Variants in USP38 observed in about 807,000 individuals in gnomAD.
USP38 encodes the protein ubiquitin carboxyl-terminal hydrolase 38.
Under a neutral mutation model 94.3 loss-of-function variants are expected in USP38, and 49 were observed. The observed-to-expected ratio is 0.52, with a 90% CI of 0.41 to 0.66. USP38 has a LOEUF of 0.66. Among genes scored for constraint, USP38 ranks in the 30% least tolerant of loss-of-function variants. The pLI is 0.00. For missense variants in USP38, 1,128 were observed against 1,229.4 expected (o/e 0.92, Z 1.23); for synonymous variants, 468 against 463.6 (o/e 1.01, Z -0.12).
rs373089408 is a variant in USP38, at chr4:143,214,240, C to T, written c.2264C>T (p.Thr755Met). 5.1e-5 allele frequency: 82 copies of T among 1,613,440 alleles called. No homozygotes were observed. The highest frequency in any genetic ancestry group is 5.8e-5 in the Non-Finnish European group (69 of 1,179,794). ...AATGCTGAGAAAACTATGCAAATCA[C>T]GGAGGAACCTGAATACCTTATTCTT... is the stretch of plus-strand genomic sequence containing the variant. ...LQNAEKTMQI[T>M]EEPEYLILTL... Residue 755 changes from threonine to methionine, a missense_variant, in exon 9 of 10, where the codon ACG becomes ATG. Coordinates refer to ENST00000307017, the MANE Select transcript of USP38 (RefSeq NM_032557.6).
At chr4:143,219,007 A>AAT (rs955257693) in intron 9 of USP38, among the ~76,000 whole-genome samples, 10 of 152,232 alleles carry the variant, frequency 6.6e-5, no homozygotes, top group East Asian at 1.9e-4. Context: ...AGGATAAATT[A>AAT]ATATATATAT....
chr4:143,214,764 C>G lies in USP38; in HGVS notation c.2788C>G (p.Gln930Glu). Residue 930 changes from glutamine to glutamate, a missense_variant, in exon 9 of 10, where the codon CAG becomes GAG. Gln to Glu is a conservative substitution (Grantham distance 29). Coordinates refer to ENST00000307017, the MANE Select transcript of USP38 (RefSeq NM_032557.6). ...GACATTTACTTCATTTCAGTCAGTCCAGAAAATTACGAGCAGGTTTCCAAA... is the reference window on the plus strand; with the variant it reads ...GACATTTACTTCATTTCAGTCAGTCGAGAAAATTACGAGCAGGTTTCCAAA... ...RVTFTSFQSV[Q>E]KITSRFPKDT... 1 of 1,613,660 alleles carries G rather than the reference C, an allele frequency of 6.2e-7. No homozygotes were observed. Among genetic ancestry groups the G allele is most frequent in the Non-Finnish European group, 8.5e-7 (1 of 1,179,786 alleles).
chr4:143,222,037 T>A lies in USP38; in HGVS notation c.*1581T>A, dbSNP rs555680953. On this transcript the variant is annotated 3_prime_UTR_variant, in exon 10 of 10. Coordinates refer to ENST00000307017, the MANE Select transcript of USP38 (RefSeq NM_032557.6). ...ATCCCAATAGTGAATTTCTGAGCTA[T>A]CCTGTGTGTTCAGTTATCCACTTAC... 6.6e-6 allele frequency: 1 copy of A among 152,194 alleles called. No individual in the cohort carries two copies. The highest frequency in any genetic ancestry group is 1.9e-4 in the East Asian group (1 of 5,188). The allele number at this position is 152,194 out of a possible 1,614,324, so 9.4% of individuals were successfully genotyped here.
chr4:143,212,929 G>A (rs893418023), intron 8 of USP38, among the ~76,000 whole-genome samples: 1 of 151,882 alleles, frequency 6.6e-6, no homozygotes. Context: ...ATTATTGTTT[G>A]CTAAATGTTA....
In USP38 at chr4:143,197,823, G is replaced by GT. The variant is rs768670603; in HGVS notation, c.954dup (p.Asn319Ter). 1.9e-6 allele frequency: 3 copies of GT among 1,609,666 alleles called. No homozygotes were observed. The South Asian group carries it at 3.3e-5, about 18-fold the overall frequency. ...GAAGGTGTCTTGTCTTATTTTGAAG[G>GT]TTTTTAATCGACTTTGGTTTCCTCT... is the stretch of plus-strand genomic sequence containing the variant. On this transcript the variant is annotated frameshift_variant and splice_region_variant, in exon 4 of 10. Transcript: ENST00000307017. LOFTEE classifies it high-confidence loss of function.
At chr4:143,218,023 G>C (rs796460417) in intron 9 of USP38, among the ~76,000 whole-genome samples, 3 of 152,080 alleles carry the variant, frequency 2.0e-5, no homozygotes, top group African/African-American at 7.2e-5. Flanking sequence ...GAGAGATTGT[G>C]TAATGCATCA....
chr4:143,213,760 G>T lies in USP38; in HGVS notation c.1784G>T (p.Arg595Leu). 1 of 1,613,692 alleles carries T rather than the reference G, an allele frequency of 6.2e-7. No individual in the cohort carries two copies. Among genetic ancestry groups the T allele is most frequent in the African/African-American group, 1.3e-5 (1 of 74,990 alleles). ...LIEKMFGGKL[R>L]THIRCLNCRS... ...GAAAAAATGTTTGGAGGAAAACTAC[G>T]AACTCACATACGTTGTTTGAACTGC... Residue 595 changes from arginine to leucine, a missense_variant, in exon 9 of 10, where the codon CGA becomes CTA. Physicochemically the swap from Arg to Leu is moderately radical, Grantham distance 102. Coordinates refer to ENST00000307017, the MANE Select transcript of USP38 (RefSeq NM_032557.6).
chr4:143,211,871 A>G (rs923284930), intron 7 of USP38, among the ~76,000 whole-genome samples: 1 of 152,220 alleles, frequency 6.6e-6, no homozygotes, highest in Non-Finnish European at 1.5e-5. Flanking sequence ...GTAGGTATGC[A>G]TGACTCTAGA....
At chr4:143,211,756 G>A (rs1465917401) in intron 7 of USP38, among the ~76,000 whole-genome samples, 1 of 152,026 alleles carries the variant, frequency 6.6e-6, no homozygotes, top group African/African-American at 2.4e-5. Context: ...TAATCACTAA[G>A]CAGCCTCTAT....
At chr4:143,204,443 G>A in intron 5 of USP38, 1 of 448,768 alleles carries the variant, frequency 2.2e-6, no homozygotes, top group Non-Finnish European at 4.5e-6. Context: ...AGGCTGAAGT[G>A]CAATGGCATG....
At chr4:143,190,616 T>G (rs1731368991) in intron 2 of USP38, among the ~76,000 whole-genome samples, 1 of 152,108 alleles carries the variant, frequency 6.6e-6, no homozygotes, top group Admixed American at 6.5e-5. Flanking sequence ...TATAAGCAAT[T>G]TTCAAATCCA....
At chr4:143,190,503 C>G (rs1731364802) in intron 2 of USP38, among the ~76,000 whole-genome samples, 3 of 152,066 alleles carry the variant, frequency 2.0e-5, no homozygotes, top group Non-Finnish European at 4.4e-5. Flanking sequence ...CTTAGGGTCA[C>G]TCTCTTAGAG....
Position 143,213,681 on chromosome 4 carries a change from G to A in USP38, c.1705G>A (p.Ala569Thr). ...ETSLQEVASK[A>T]AVLTETPRTS... ...TTCTTTACAGGAAGTAGCTAGTAAA[G>A]CAGCAGTACTAACAGAGACCCCTCG... Residue 569 changes from alanine to threonine, a missense_variant, in exon 9 of 10, where the codon GCA becomes ACA. By Grantham distance (58) the Ala-to-Thr change is moderately conservative. Transcript: ENST00000307017. 1 of 1,613,606 alleles carries A rather than the reference G, an allele frequency of 6.2e-7. No individual in the cohort carries two copies. The highest frequency in any genetic ancestry group is 1.1e-5 in the South Asian group (1 of 91,066).
intron 9 of USP38, among the ~76,000 whole-genome samples, chr4:143,216,687 G>A (rs1263301314): frequency 6.6e-6 from 1 of 151,884 alleles, no homozygotes; most frequent in Non-Finnish European, 1.5e-5. Flanking sequence ...TTTTACCCAG[G>A]CTAGTCTCAA....
chr4:143,210,972 A>T (rs534067761), intron 7 of USP38, among the ~76,000 whole-genome samples: 9 of 152,206 alleles, frequency 5.9e-5, no homozygotes, highest in African/African-American at 2.2e-4. Flanking sequence ...TAAATTTACC[A>T]TATCAAGACC....
chr4:143,203,598 G>T, intron 5 of USP38, 32 bp downstream of exon 5: 2 of 1,589,378 alleles, frequency 1.3e-6, no homozygotes, highest in East Asian at 4.5e-5. Flanking sequence ...TATTTGTGGA[G>T]TTGTGTTATA....
At chr4:143,197,782 T>C (rs571348392) in intron 3 of USP38, 41 bp from the exon 4 acceptor site, 1 of 1,410,786 alleles carries the variant, frequency 7.1e-7, no homozygotes, top group African/African-American at 1.4e-5. Context: ...TTAATGATTT[T>C]CCTGCAAATT....
chr4:143,192,550 C>CTTTTTTTTT (rs35416730), intron 2 of USP38, among the ~76,000 whole-genome samples: 50 of 103,362 alleles, frequency 4.8e-4, no homozygotes, highest in East Asian at 1.9e-3. Flanking sequence ...TCCCATATTA[C>CTTTTTTTTT]TTTTTTTTTT....
chr4:143,205,724 A>G (rs1561243842), intron 5 of USP38, among the ~76,000 whole-genome samples: 2 of 152,190 alleles, frequency 1.3e-5, no homozygotes, highest in Non-Finnish European at 2.9e-5. Context: ...TCTGACCCCA[A>G]AGTTTTATTT....
Sources: allele counts gnomAD v4.1 joint callset (sites outside exome capture counted in the v4.1 genomes callset), GRCh38; gene constraint gnomAD v4.1.1; transcripts MANE v1.5; gene names NCBI Gene and HGNC (gene_info 2026-07-23, HGNC 2026-07-21).